DYSF: variants seen among roughly 807,000 people sequenced by gnomAD.
DYSF encodes the protein dystrophy-associated fer-1-like 1.
Under a neutral mutation model 274.9 loss-of-function variants are expected in DYSF, and 212 were observed. That is an observed-to-expected ratio of 0.77 (90% CI 0.69 to 0.86). The LOEUF is 0.86. DYSF is among the 40% of genes least tolerant of loss of function. DYSF has a pLI of 0.00. For missense variants in DYSF, 2,666 were observed against 2,783.2 expected (o/e 0.96, Z 0.95); for synonymous variants, 1,091 against 1,078.7 (o/e 1.01, Z -0.22).
At chr2:71,620,796 T>A (rs1360993547) in intron 41 of DYSF, among the ~76,000 whole-genome samples, 187 bp downstream of exon 41, 2 of 152,068 alleles carry the variant, frequency 1.3e-5, no homozygotes, top group Admixed American at 6.5e-5. Flanking sequence ...ATGGAGTAGA[T>A]GCTCAGAAAT....
chr2:71,685,453 A>G (rs1460923092), intron 55 of DYSF, among the ~76,000 whole-genome samples: 4 of 152,188 alleles, frequency 2.6e-5, no homozygotes, highest in African/African-American at 4.8e-5. Context: ...CCTTCCACCC[A>G]AGTCACTCAT....
At chr2:71,589,320 CTT>C (rs1267181027) in intron 30 of DYSF, among the ~76,000 whole-genome samples, 1 of 152,214 alleles carries the variant, frequency 6.6e-6, no homozygotes, top group Admixed American at 6.5e-5. Flanking sequence ...CTTCTAATCT[CTT>C]TGCCTGGAAC....
intron 41 of DYSF, among the ~76,000 whole-genome samples, chr2:71,643,275 A>C (rs2094515600): frequency 6.6e-6 from 1 of 152,336 alleles, no homozygotes; most frequent in African/African-American, 2.4e-5. Context: ...TTTTCCTGCA[A>C]ATAGGAGTGA....
chr2:71,455,113 C>G (rs2081003186), intron 1 of DYSF, among the ~76,000 whole-genome samples: 1 of 152,192 alleles, frequency 6.6e-6, no homozygotes, highest in African/African-American at 2.4e-5. Flanking sequence ...TTCACAAGCT[C>G]CTGGATACAC....
intron 1 of DYSF, among the ~76,000 whole-genome samples, chr2:71,461,075 G>GA (rs1367645773): frequency 1.3e-5 from 2 of 152,194 alleles, no homozygotes; most frequent in African/African-American, 2.4e-5. Context: ...CGGGAGCCAC[G>GA]TGCAGTGTCC....
chr2:71,646,278 A>G (rs1339680454), intron 42 of DYSF, among the ~76,000 whole-genome samples: 1 of 152,244 alleles, frequency 6.6e-6, no homozygotes, highest in Non-Finnish European at 1.5e-5. Context: ...AGACAACCCA[A>G]GCAAGAATGA....
intron 1 of DYSF, 70 bp from the exon 2 acceptor site, chr2:71,480,813 C>A: frequency 7.0e-7 from 1 of 1,432,022 alleles, no homozygotes; most frequent in Non-Finnish European, 9.9e-7. Flanking sequence ...GTCTCAGAAG[C>A]TGAGCCTAAC....
intron 27 of DYSF, 41 bp downstream of exon 27, chr2:71,569,975 G>A: frequency 6.4e-7 from 1 of 1,557,040 alleles, no homozygotes; most frequent in Non-Finnish European, 8.8e-7. Context: ...CTAGACATTT[G>A]GTCTCTGGAG....
At chr2:71,644,130 A>G in intron 42 of DYSF, 67 bp downstream of exon 42, 1 of 1,302,260 alleles carries the variant, frequency 7.7e-7, no homozygotes, top group Non-Finnish European at 1.1e-6. Context: ...GACACAACAG[A>G]AAGAGAGCTC....
At chr2:71,602,252 A>G (rs1038258506) in intron 35 of DYSF, among the ~76,000 whole-genome samples, 2 of 152,148 alleles carry the variant, frequency 1.3e-5, no homozygotes, top group African/African-American at 4.8e-5. Flanking sequence ...GGACACCTCC[A>G]TTGTCCTTCA....
intron 14 of DYSF, among the ~76,000 whole-genome samples, chr2:71,532,446 A>G (rs1044920964): frequency 5.3e-5 from 8 of 152,218 alleles, no homozygotes; most frequent in African/African-American, 1.9e-4. Context: ...AAAGAGAAGC[A>G]GAGGAAGAGG....
chr2:71,665,674 C>T (rs1331598105), intron 47 of DYSF, among the ~76,000 whole-genome samples: 2 of 152,168 alleles, frequency 1.3e-5, no homozygotes, highest in Non-Finnish European at 2.9e-5. Flanking sequence ...GGGGTACAGT[C>T]CACTTCTCAG....
intron 22 of DYSF, among the ~76,000 whole-genome samples, chr2:71,559,523 G>A (rs1425876447): frequency 1.3e-5 from 2 of 152,176 alleles, no homozygotes; most frequent in African/African-American, 2.4e-5. Context: ...TGGTGGACAG[G>A]CCTTTCTGTC....
At chr2:71,534,471 G>A (rs1462407060) in intron 14 of DYSF, among the ~76,000 whole-genome samples, 2 of 152,176 alleles carry the variant, frequency 1.3e-5, no homozygotes, top group Non-Finnish European at 2.9e-5. Flanking sequence ...CTGGTCTTTA[G>A]GACAGGGCTG....
At chr2:71,636,635 A>G (rs1182936054) in intron 41 of DYSF, among the ~76,000 whole-genome samples, 1 of 152,138 alleles carries the variant, frequency 6.6e-6, no homozygotes, top group Non-Finnish European at 1.5e-5. Flanking sequence ...CCAGTGGGAG[A>G]TGTCACATGG....
chr2:71,471,643 T>G (rs1426955978), intron 1 of DYSF, among the ~76,000 whole-genome samples: 1 of 152,244 alleles, frequency 6.6e-6, no homozygotes, highest in Admixed American at 6.5e-5. Context: ...TCATAGATTT[T>G]TTTTTTCCCA....
rs752233688 is a variant in DYSF, at chr2:71,570,588, C to G, written c.3086-11C>G. ...TGCCAAGCAATGAGTGACCGGTTCC[C>G]CCTCCCCCAGGCTGGGAGTATAGCA... On this transcript the variant is annotated splice_polypyrimidine_tract_variant and intron_variant, in intron 28 of 55. Coordinates refer to ENST00000410020, the MANE Select transcript of DYSF (RefSeq NM_001130987.2). 9 of 1,613,118 alleles carry G rather than the reference C, an allele frequency of 5.6e-6. No homozygotes were observed. The highest frequency in any genetic ancestry group is 7.6e-6 in the Non-Finnish European group (9 of 1,179,720).
rs912484170 is a variant in DYSF, at chr2:71,665,277, G to A, written c.5290G>A (p.Asp1764Asn). The change falls in exon 47 of 56, where the codon GAT (aspartate) becomes AAT (asparagine). Residue 1764 changes from aspartate (D) to asparagine (N), a missense_variant. Around this residue, in one of 3 missense-constraint regions of DYSF, gnomAD observed 1,460 missense variants for 1,502.1 expected, o/e 0.97. Coordinates refer to ENST00000410020, the MANE Select transcript of DYSF (RefSeq NM_001130987.2). ...VYRTDRVMFQ[D>N]KEYSIEEIEA... is the part of the protein sequence containing the mutation. Reference sequence around the variant, plus strand: ...CCGGACAGACCGTGTAATGTTTCAGGATAAAGAATATTCCATTGAAGAGAT... The same window carrying A: ...CCGGACAGACCGTGTAATGTTTCAGAATAAAGAATATTCCATTGAAGAGAT... 6.2e-7 allele frequency: 1 copy of A among 1,614,048 alleles called. No individual in the cohort carries two copies. Among genetic ancestry groups the A allele is most frequent in the African/African-American group, 1.3e-5 (1 of 74,918 alleles).
chr2:71,591,199 C>T (rs2093253564), intron 32 of DYSF, among the ~76,000 whole-genome samples: 1 of 152,248 alleles, frequency 6.6e-6, no homozygotes, highest in Non-Finnish European at 1.5e-5. Flanking sequence ...AACACATTTG[C>T]TCCCTATTTC....
Sources: allele counts gnomAD v4.1 joint callset (sites outside exome capture counted in the v4.1 genomes callset), GRCh38; gene constraint gnomAD v4.1.1; regional missense constraint gnomAD v4.1.1; transcripts MANE v1.5; gene names NCBI Gene and HGNC (gene_info 2026-07-23, HGNC 2026-07-21).